Variants in OPCML observed in about 807,000 individuals in gnomAD.
The protein encoded by OPCML is opioid-binding protein/cell adhesion molecule.
Under a neutral mutation model 37.8 loss-of-function variants are expected in OPCML, and 13 were observed. The observed-to-expected ratio is 0.34, with a 90% CI of 0.22 to 0.55. OPCML has a LOEUF of 0.55. Ranked by LOEUF, OPCML falls within the 20% of genes least tolerant of loss-of-function variation. The pLI, the probability that OPCML is intolerant of heterozygous loss-of-function variation, is 0.91. For missense variants in OPCML, 341 were observed against 435.6 expected, an observed-to-expected ratio of 0.78 and a Z score of 1.93; for synonymous variants, 176 against 168.8, an observed-to-expected ratio of 1.04 and a Z score of -0.33.
intron 4 of OPCML, among the ~76,000 whole-genome samples, chr11:132,486,044 T>C (rs77414464): frequency 1.3e-5 from 2 of 152,222 alleles, no homozygotes; most frequent in African/African-American, 4.8e-5. Context: ...CCCTGCCTCT[T>C]TGTCAACACT....
intron 2 of OPCML, among the ~76,000 whole-genome samples, chr11:132,927,430 TCAAA>T (rs1283865274): frequency 2.0e-5 from 3 of 151,912 alleles, no homozygotes; most frequent in Non-Finnish European, 2.9e-5. Flanking sequence ...AAAAGCAAAA[TCAAA>T]CAAACAAACA....
chr11:132,816,597 T>C (rs977832467), intron 2 of OPCML, among the ~76,000 whole-genome samples: 3 of 152,202 alleles, frequency 2.0e-5, no homozygotes, highest in Non-Finnish European at 4.4e-5. Flanking sequence ...CAGGAAGAGA[T>C]ACGTGACACC....
chr11:132,470,858 C>T (rs550325962), intron 4 of OPCML, among the ~76,000 whole-genome samples: 1 of 152,102 alleles, frequency 6.6e-6, no homozygotes, highest in Non-Finnish European at 1.5e-5. Context: ...TGTGTAAAGC[C>T]AGAAGACCAG....
intron 1 of OPCML, among the ~76,000 whole-genome samples, chr11:132,957,708 T>C (rs1330332727): frequency 6.6e-6 from 1 of 152,174 alleles, no homozygotes; most frequent in Non-Finnish European, 1.5e-5. Flanking sequence ...TTGGTAACTA[T>C]TGCAATATTT....
At chr11:133,489,336 CA>C (rs1214577122) in intron 1 of OPCML, among the ~76,000 whole-genome samples, 1 of 151,448 alleles carries the variant, frequency 6.6e-6, no homozygotes, top group Non-Finnish European at 1.5e-5. Flanking sequence ...ATGCATCTGA[CA>C]AAGGGCTAAA....
At chr11:133,224,605 C>T (rs1295175932) in intron 1 of OPCML, among the ~76,000 whole-genome samples, 1 of 152,244 alleles carries the variant, frequency 6.6e-6, no homozygotes, top group African/African-American at 2.4e-5. Flanking sequence ...TCATTCCAGG[C>T]AAGGGCTCAC....
chr11:133,174,413 C>G lies in OPCML; in HGVS notation c.62-231403G>C, dbSNP rs1233385834. On this transcript the variant is annotated intron_variant, in intron 1 of 7. Transcript: ENST00000524381. The surrounding 1 kb of genome is among the most constrained non-coding windows in gnomAD (Gnocchi z 4.6). ...AGTGAAATAAGGCAGCTAAACCTTA[C>G]CTCTGGATATAGGAGAAGGAATGGT... Among the ~76,000 whole-genome samples the G allele has an allele frequency of 6.6e-6, 1 of 152,064 alleles. No homozygotes were observed. The highest frequency in any genetic ancestry group is 1.5e-5 in the Non-Finnish European group (1 of 68,020).
intron 1 of OPCML, among the ~76,000 whole-genome samples, chr11:133,356,920 C>A (rs1278765789): frequency 2.6e-5 from 4 of 152,208 alleles, no homozygotes; most frequent in Non-Finnish European, 5.9e-5. Context: ...TCAAGACAAA[C>A]TTCCTTGTCA....
At chr11:132,574,811 T>C (rs1397289745) in intron 3 of OPCML, among the ~76,000 whole-genome samples, 2 of 151,996 alleles carry the variant, frequency 1.3e-5, no homozygotes, top group East Asian at 1.9e-4. Flanking sequence ...GGTTTCCTTA[T>C]TGATCTTCTG....
intron 1 of OPCML, among the ~76,000 whole-genome samples, chr11:133,043,181 A>G (rs954562888): frequency 2.6e-5 from 4 of 152,242 alleles, no homozygotes; most frequent in Admixed American, 2.0e-4. Flanking sequence ...CTTTATTACC[A>G]GGGTGGATGC....
intron 2 of OPCML, among the ~76,000 whole-genome samples, chr11:132,865,086 A>T (rs575657832): frequency 1.1e-4 from 17 of 152,364 alleles, no homozygotes; most frequent in African/African-American, 3.8e-4. Flanking sequence ...CGATGCAGGC[A>T]GGTCATTCTT....
In OPCML at chr11:132,676,260, ACT is replaced by A. The variant is rs547801599; in HGVS notation, c.147-18943_147-18942del. On this transcript the variant is annotated intron_variant, in intron 2 of 7. Transcript: ENST00000524381. ...CCACACACAATTGAATACAGCTGGA[ACT>A]CTGTTTCATATCACATACAAAAAAT... Among the ~76,000 whole-genome samples, 267 of 152,204 alleles carry A rather than the reference ACT, an allele frequency of 1.8e-3. 1 individual carries two copies. The highest frequency in any genetic ancestry group is 0.013 in the Admixed American group (206 of 15,274).
chr11:133,397,620 C>T (rs903810633), intron 1 of OPCML, among the ~76,000 whole-genome samples: 1 of 152,176 alleles, frequency 6.6e-6, no homozygotes, highest in Admixed American at 6.5e-5. Context: ...CCAGCTAAGG[C>T]AAATGGAAAG....
intron 1 of OPCML, among the ~76,000 whole-genome samples, chr11:133,347,279 G>C (rs1944025575): frequency 6.6e-6 from 1 of 152,180 alleles, no homozygotes; most frequent in Non-Finnish European, 1.5e-5. Context: ...CTCCCTGGGA[G>C]CAGCCAGCAC....
chr11:133,404,163 G>T (rs1945475238), intron 1 of OPCML, among the ~76,000 whole-genome samples: 2 of 152,268 alleles, frequency 1.3e-5, no homozygotes, highest in East Asian at 3.9e-4. Context: ...CCCTGTATTG[G>T]CTGTGTCTTC....
intron 1 of OPCML, among the ~76,000 whole-genome samples, chr11:133,139,308 G>A (rs1211136272): frequency 1.3e-5 from 2 of 152,124 alleles, no homozygotes; most frequent in African/African-American, 2.4e-5. Context: ...AGGGCTTACT[G>A]TGCACCAGAA....
At chr11:132,992,441 C>T (rs1400780930) in intron 1 of OPCML, among the ~76,000 whole-genome samples, 1 of 152,112 alleles carries the variant, frequency 6.6e-6, no homozygotes. Context: ...TTCATTATCT[C>T]ATTAATTCAT....
intron 2 of OPCML, among the ~76,000 whole-genome samples, chr11:132,936,801 A>G (rs899003652): frequency 3.3e-5 from 5 of 152,176 alleles, no homozygotes; most frequent in Admixed American, 3.3e-4. Flanking sequence ...GAACGGATCA[A>G]GATGAAAAGA....
chr11:133,003,843 C>G, intron 1 of OPCML: 2 of 985,384 alleles, frequency 2.0e-6, no homozygotes, highest in Non-Finnish European at 2.4e-6. Context: ...ATGAATAATG[C>G]AGATCCTTGC....
Sources: allele counts gnomAD v4.1 joint callset (sites outside exome capture counted in the v4.1 genomes callset), GRCh38; gene constraint gnomAD v4.1.1; non-coding constraint Gnocchi (gnomAD v3.1); transcripts MANE v1.5; gene names NCBI Gene and HGNC (gene_info 2026-07-23, HGNC 2026-07-21).